Variants in FAM185A observed in about 807,000 individuals in gnomAD.
FAM185A encodes family with sequence similarity 185 member A, also known as protein FAM185A.
In FAM185A, 21 loss-of-function variants were observed where a neutral mutation model predicts 45.7. That is an observed-to-expected ratio of 0.46 (90% CI 0.33 to 0.66). The LOEUF is 0.66. Ranked by LOEUF, FAM185A falls within the 30% of genes least tolerant of loss-of-function variation. FAM185A has a pLI of 0.03. For missense variants in FAM185A, 305 were observed against 485.4 expected, an observed-to-expected ratio of 0.63 and a Z score of 3.49; for synonymous variants, 117 against 194.0, an observed-to-expected ratio of 0.60 and a Z score of 3.30.
chr7:102,829,488 C>T, the FAM185A span, among the ~76,000 whole-genome samples: 1 of 152,160 alleles, frequency 6.6e-6, no homozygotes, highest in Non-Finnish European at 1.5e-5. Flanking sequence ...TAATTTTTCT[C>T]ATTTCCCACC....
intron 1 of FAM185A, among the ~76,000 whole-genome samples, 174 bp from the exon 2 acceptor site, chr7:102,751,518 G>A (rs1164946631): frequency 1.3e-5 from 2 of 149,020 alleles, no homozygotes; most frequent in African/African-American, 5.0e-5. Context: ...CGGGCAGAAA[G>A]GCTATTGTTT....
intron 6 of FAM185A, among the ~76,000 whole-genome samples, chr7:102,782,320 A>T (rs1381516632): frequency 1.3e-5 from 2 of 152,196 alleles, no homozygotes; most frequent in Non-Finnish European, 2.9e-5. Context: ...ATACTCCTCG[A>T]GAAGAGCAAC....
downstream of FAM185A, among the ~76,000 whole-genome samples, chr7:102,812,182 C>T (rs544560924): frequency 6.6e-6 from 1 of 152,328 alleles, no homozygotes; most frequent in Admixed American, 6.5e-5. Context: ...ACTGTGTCAA[C>T]ATCAGTGTTA....
intron 7 of FAM185A, among the ~76,000 whole-genome samples, chr7:102,788,488 A>G (rs1270761216): frequency 6.6e-6 from 1 of 152,184 alleles, no homozygotes; most frequent in African/African-American, 2.4e-5. Context: ...TTCATTTTAT[A>G]TGTCGTGAAA....
At chr7:102,792,027 C>A (rs1170932203) in intron 7 of FAM185A, among the ~76,000 whole-genome samples, 1 of 148,072 alleles carries the variant, frequency 6.8e-6, no homozygotes, top group Non-Finnish European at 1.5e-5. Flanking sequence ...CCTCATAGAG[C>A]CCATGAGGGA....
At chr7:102,775,427 G>A (rs375239540) in intron 5 of FAM185A, among the ~76,000 whole-genome samples, 1,566 of 118,122 alleles carry the variant, frequency 0.013, no homozygotes, top group Middle Eastern at 0.027. Context: ...TTGTTTTGCT[G>A]CATAGTTTTA....
At chr7:102,841,531 G>C in the FAM185A span, among the ~76,000 whole-genome samples, 5,562 of 152,198 alleles carry the variant, frequency 0.037, 352 homozygotes, top group African/African-American at 0.13. Flanking sequence ...CTGTTTTTCG[G>C]CCAAGAAAAC....
At chr7:102,766,078 ACT>A (rs1161540184) in intron 4 of FAM185A, among the ~76,000 whole-genome samples, 1 of 152,252 alleles carries the variant, frequency 6.6e-6, no homozygotes, top group East Asian at 1.9e-4. Flanking sequence ...GGTTTTTCTG[ACT>A]CTATTGGAGA....
At chr7:102,814,261 G>C in the FAM185A span, 4 of 152,150 alleles carry the variant, frequency 2.6e-5, no homozygotes, top group Non-Finnish European at 5.9e-5. Flanking sequence ...GACCACTTCT[G>C]TACGATTAGA....
At chr7:102,778,667 G>GTT (rs1159811172) in intron 6 of FAM185A, among the ~76,000 whole-genome samples, 5 of 152,246 alleles carry the variant, frequency 3.3e-5, no homozygotes, top group Admixed American at 2.6e-4. Flanking sequence ...AGTATTTGAT[G>GTT]TTGCAAAATT....
the FAM185A span, among the ~76,000 whole-genome samples, chr7:102,816,720 G>A: frequency 6.6e-6 from 1 of 152,184 alleles, no homozygotes; most frequent in African/African-American, 2.4e-5. Context: ...CAGCCAAATA[G>A]TGAACATAAT....
chr7:102,757,509 A>G (rs1341106692), intron 2 of FAM185A, among the ~76,000 whole-genome samples: 1 of 152,226 alleles, frequency 6.6e-6, no homozygotes, highest in Non-Finnish European at 1.5e-5. Flanking sequence ...GTTATTAATG[A>G]TGAATAGTAA....
chr7:102,789,515 C>T (rs1162160223), intron 7 of FAM185A, among the ~76,000 whole-genome samples: 2 of 152,184 alleles, frequency 1.3e-5, no homozygotes, highest in Non-Finnish European at 2.9e-5. Flanking sequence ...TCGAGACCAG[C>T]GTGACCAACA....
At chr7:102,749,933 C>A (rs3893652) in intron 1 of FAM185A, among the ~76,000 whole-genome samples, 1 of 152,158 alleles carries the variant, frequency 6.6e-6, no homozygotes, top group Non-Finnish European at 1.5e-5. Context: ...CTTGTGTTCT[C>A]CTTTATCCCG....
At chr7:102,784,294 A>C (rs1326322893) in intron 6 of FAM185A, among the ~76,000 whole-genome samples, 1 of 151,738 alleles carries the variant, frequency 6.6e-6, no homozygotes, top group Non-Finnish European at 1.5e-5. Context: ...AAACTATTCC[A>C]ATCAATAGAA....
At chr7:102,756,119 A>C (rs1464776100) in intron 2 of FAM185A, among the ~76,000 whole-genome samples, 1 of 149,888 alleles carries the variant, frequency 6.7e-6, no homozygotes, top group Non-Finnish European at 1.5e-5. Context: ...GCTATAGTAC[A>C]GATTTTTTTT....
chr7:102,785,319 G>C (rs1320613027), intron 6 of FAM185A, among the ~76,000 whole-genome samples: 7 of 150,180 alleles, frequency 4.7e-5, no homozygotes, highest in African/African-American at 1.7e-4. Flanking sequence ...CACAGAATTG[G>C]AAAAAACTAC....
At chr7:102,848,487 C>T in the FAM185A span, among the ~76,000 whole-genome samples, 6 of 54,674 alleles carry the variant, frequency 1.1e-4, 2 homozygotes, top group African/African-American at 3.1e-4. Flanking sequence ...ACCCAAGAGG[C>T]GGAGCTTGCA....
the FAM185A span, among the ~76,000 whole-genome samples, chr7:102,828,178 T>C: frequency 3.9e-5 from 6 of 152,190 alleles, no homozygotes; most frequent in Admixed American, 3.9e-4. Flanking sequence ...TTGGGCAGTA[T>C]GGCCATTTTC....
Sources: allele counts gnomAD v4.1 joint callset (sites outside exome capture counted in the v4.1 genomes callset), GRCh38; gene constraint gnomAD v4.1.1; transcripts MANE v1.5; gene names NCBI Gene and HGNC (gene_info 2026-07-23, HGNC 2026-07-21).